Variants in MMS19 observed in about 807,000 individuals in gnomAD.
MMS19 encodes MMS19 cytosolic iron-sulfur assembly component.
Under a neutral mutation model 129.8 loss-of-function variants are expected in MMS19, and 77 were observed. The observed-to-expected ratio is 0.59, with a 90% confidence interval of 0.49 to 0.72. The LOEUF is 0.72. MMS19 is among the 30% of genes least tolerant of loss of function. The pLI is 0.00. For missense variants in MMS19, 1,168 were observed against 1,266.3 expected (o/e 0.92, Z 1.18); for synonymous variants, 491 against 502.8 (o/e 0.98, Z 0.31).
intron 1 of MMS19, among the ~76,000 whole-genome samples, chr10:97,495,747 C>T (rs907400403): frequency 6.6e-6 from 1 of 152,200 alleles, no homozygotes; most frequent in Non-Finnish European, 1.5e-5. Context: ...ACCTTTTCAA[C>T]TTTTATCTGT....
intron 29 of MMS19, 132 bp downstream of exon 29, chr10:97,459,091 C>A (rs988431705): frequency 9.7e-6 from 10 of 1,035,192 alleles, no homozygotes; most frequent in Non-Finnish European, 1.4e-5. Context: ...CCCAGAATTA[C>A]AAGATCTGTA....
rs2030424531 is a variant in MMS19 at position 97,458,338 on chromosome 10, C to CTT, written c.*352_*353dup. 4.7e-6 allele frequency: 1 copy of CTT among 212,720 alleles called. No individual in the cohort carries two copies. The highest frequency in any genetic ancestry group is 1.1e-4 in the East Asian group (1 of 9,394). The allele number at this position is 212,720 out of a possible 1,614,324, so 13.2% of individuals were successfully genotyped here. On this transcript the variant is annotated 3_prime_UTR_variant, in exon 31 of 31. Coordinates refer to ENST00000438925, the MANE Select transcript of MMS19 (RefSeq NM_022362.5). ...TGACAGCCCCATTACCAAAAGAAAT[C>CTT]TTTATTCTTCAGCAGGTAGACAACA...
chr10:97,465,900 C>T lies in MMS19; in HGVS notation c.1661G>A (p.Cys554Tyr), dbSNP rs752264553. 2 of 1,613,978 alleles carry T rather than the reference C, an allele frequency of 1.2e-6. No individual in the cohort carries two copies. Among genetic ancestry groups the T allele is most frequent in the East Asian group, 4.5e-5 (2 of 44,878 alleles). Reference protein sequence around the residue: ...DEPTQCSRHLCCLQALSAVST... With the variant: ...DEPTQCSRHLYCLQALSAVST... The stretch of plus-strand genomic sequence containing the variant: ...TACAGCTGACAAGGCTTGCAGACAG[C>T]ACAGATGCCGGGAGCATTGGGTGGG... The change falls in exon 18 of 31, where the codon TGC becomes TAC. Residue 554 changes from cysteine to tyrosine, a missense_variant. Coordinates refer to ENST00000438925, the MANE Select transcript of MMS19 (RefSeq NM_022362.5).
intron 10 of MMS19, among the ~76,000 whole-genome samples, 188 bp from the exon 11 acceptor site, chr10:97,469,911 GA>G (rs1295049793): frequency 6.6e-6 from 1 of 152,186 alleles, no homozygotes; most frequent in Non-Finnish European, 1.5e-5. Flanking sequence ...GAAGCCTAAA[GA>G]GGGAGTCCTG....
intron 13 of MMS19, 128 bp from the exon 14 acceptor site, chr10:97,467,711 T>G (rs568628040): frequency 1.1e-5 from 9 of 790,382 alleles, no homozygotes; most frequent in Non-Finnish European, 1.6e-5. Context: ...ACAGCCAGGC[T>G]GGAATACAGT....
chr10:97,489,859 C>A (rs979062867), intron 1 of MMS19, among the ~76,000 whole-genome samples: 1 of 152,146 alleles, frequency 6.6e-6, no homozygotes, highest in Non-Finnish European at 1.5e-5. Flanking sequence ...GGTGAAGTAC[C>A]CTTCTCAACA....
Position 97,468,328 on chromosome 10 carries a change from G to C in MMS19, c.1142C>G (p.Ala381Gly). ...SAKLLQAAAGASARACDSVTS... is the reference protein window; with the variant it reads ...SAKLLQAAAGGSARACDSVTS... ...GACAGAGTCACAGGCCCGGGCAGAT[G>C]CACCTGCAGCTGCCTGCAACAGCTT... Residue 381 changes from alanine (A) to glycine (G), a missense_variant, in exon 13 of 31, where the codon GCA (alanine) becomes GGA (glycine). By Grantham distance (60) the Ala-to-Gly change is moderately conservative. Around this residue, in one of 3 missense-constraint regions of MMS19, gnomAD observed 831 missense variants for 910.8 expected, o/e 0.91. Transcript: ENST00000438925. 1 of 1,612,758 alleles carries C rather than the reference G, an allele frequency of 6.2e-7. No homozygotes were observed. Among genetic ancestry groups the C allele is most frequent in the Non-Finnish European group, 8.5e-7 (1 of 1,179,180 alleles).
At chr10:97,474,871 TATCTAC>T (rs1461484486) in intron 8 of MMS19, among the ~76,000 whole-genome samples, 1 of 152,212 alleles carries the variant, frequency 6.6e-6, no homozygotes, top group East Asian at 1.9e-4. Flanking sequence ...GAAGTTTAAT[TATCTAC>T]CCTTTAAATG....
In MMS19 at chr10:97,477,430, G is replaced by T; in HGVS notation, c.424-14C>A. On this transcript the variant is annotated splice_polypyrimidine_tract_variant and intron_variant, in intron 5 of 30. Transcript: ENST00000438925. Reference sequence around the variant, plus strand: ...CTGTGGCAGGGACTTGGGGGTGGGGGAGAAAGAAGTGAAGAAAATGCTCAA... The same window carrying T: ...CTGTGGCAGGGACTTGGGGGTGGGGTAGAAAGAAGTGAAGAAAATGCTCAA... The T allele has an allele frequency of 6.2e-7, 1 of 1,613,930 alleles. No homozygotes were observed. Among genetic ancestry groups the T allele is most frequent in the Non-Finnish European group, 8.5e-7 (1 of 1,179,850 alleles).
At chr10:97,463,085 A>G (rs923749438) in intron 19 of MMS19, 2 of 192,604 alleles carry the variant, frequency 1.0e-5, no homozygotes, top group Non-Finnish European at 2.1e-5. Context: ...TATAGCAACT[A>G]TCATACACTG....
intron 2 of MMS19, among the ~76,000 whole-genome samples, chr10:97,482,821 C>T (rs1012701095): frequency 6.6e-6 from 1 of 151,518 alleles, no homozygotes; most frequent in Non-Finnish European, 1.5e-5. Context: ...AGTGCAGTGG[C>T]GTAATCTCAG....
At chr10:97,468,195 G>A in intron 13 of MMS19, 57 bp downstream of exon 13, 1 of 1,459,938 alleles carries the variant, frequency 6.8e-7, no homozygotes, top group South Asian at 1.5e-5. Flanking sequence ...CACTCTCTGA[G>A]AAAGGGAACC....
intron 8 of MMS19, 81 bp from the exon 9 acceptor site, chr10:97,470,942 G>C: frequency 2.7e-6 from 3 of 1,119,436 alleles, no homozygotes; most frequent in Non-Finnish European, 4.0e-6. Context: ...TAACCCTGCA[G>C]AACAGGGTGA....
At chr10:97,480,416 C>T (rs556029731) in intron 3 of MMS19, 85 of 422,072 alleles carry the variant, frequency 2.0e-4, no homozygotes, top group African/African-American at 1.6e-3. Flanking sequence ...GTTTGCCTAC[C>T]CCTGCTATAC....
chr10:97,470,999 A>G, intron 8 of MMS19, 138 bp from the exon 9 acceptor site: 1 of 534,202 alleles, frequency 1.9e-6, no homozygotes, highest in African/African-American at 2.0e-5. Flanking sequence ...AGGCCCCAGC[A>G]AGAAGACTTG....
chr10:97,464,750 T>G (rs2032997771), intron 18 of MMS19, among the ~76,000 whole-genome samples: 1 of 150,150 alleles, frequency 6.7e-6, no homozygotes, highest in South Asian at 2.1e-4. Flanking sequence ...CAGGCTGGAG[T>G]GCAATGGAGC....
chr10:97,483,971 G>A, intron 2 of MMS19, 132 bp downstream of exon 2: 1 of 616,748 alleles, frequency 1.6e-6, no homozygotes, highest in South Asian at 2.1e-5. Context: ...TTAGACTGAG[G>A]TACTAATATG....
Position 97,466,844 on chromosome 10 carries a change from A to G in MMS19, c.1355T>C (p.Leu452Pro). ...CTGAAGCTGGGTGCTGGGGTCTGTT[A>G]GAGCCATGAATACCAGTGAGCACAG... ...DQLCSLVFMA[L>P]TDPSTQLQLV... is the part of the protein sequence containing the mutation. The change falls in exon 15 of 31, where the codon CTA (leucine) becomes CCA (proline). Residue 452 changes from leucine to proline, a missense_variant. Physicochemically the swap from Leu to Pro is moderately conservative, Grantham distance 98. Around this residue, in one of 3 missense-constraint regions of MMS19, gnomAD observed 831 missense variants for 910.8 expected, o/e 0.91. Transcript: ENST00000438925. 1 of 1,614,038 alleles carries G rather than the reference A, an allele frequency of 6.2e-7. No homozygotes were observed. The highest frequency in any genetic ancestry group is 8.5e-7 in the Non-Finnish European group (1 of 1,179,898).
intron 2 of MMS19, among the ~76,000 whole-genome samples, chr10:97,483,112 T>C (rs1414152552): frequency 2.0e-5 from 3 of 151,866 alleles, no homozygotes; most frequent in African/African-American, 4.8e-5. Flanking sequence ...TGGAATGCAG[T>C]GGCATGACCT....
Sources: gnomAD v4.1 joint callset for allele counts (sites outside exome capture counted in the v4.1 genomes callset) on GRCh38, gnomAD v4.1.1 for gene constraint, gnomAD v4.1.1 regional missense constraint, MANE v1.5 for transcripts, NCBI Gene and HGNC (gene_info 2026-07-23, HGNC 2026-07-21) for gene names.